Variants in GRIK2 observed in about 807,000 individuals in gnomAD.
The protein encoded by GRIK2 is glutamate receptor ionotropic, kainate 2.
GRIK2 carries 32 observed loss-of-function variants against 100.3 expected under a neutral mutation model. The ratio of observed to expected loss-of-function variants is 0.32; its 90% confidence interval spans 0.24 to 0.43. The LOEUF is 0.43. GRIK2 is among the 20% of genes least tolerant of loss of function. The probability of loss-of-function intolerance (pLI) is 1.00; values close to 1 mark genes in which losing one functional copy is unlikely to be tolerated. For synonymous variants in GRIK2, 417 were observed against 389.4 expected, an observed-to-expected ratio of 1.07 and a Z score of -0.83; for missense variants, 843 against 1,114.9, an observed-to-expected ratio of 0.76 and a Z score of 3.47.
intron 7 of GRIK2, among the ~76,000 whole-genome samples, chr6:101,700,495 C>T (rs1441870289): frequency 6.6e-6 from 1 of 152,016 alleles, no homozygotes; most frequent in African/African-American, 2.4e-5. Flanking sequence ...AAAGTAATAT[C>T]ATTTACCATG....
chr6:101,928,751 C>G, intron 14 of GRIK2, 119 bp downstream of exon 14: 1 of 641,224 alleles, frequency 1.6e-6, no homozygotes, highest in Non-Finnish European at 2.8e-6. Flanking sequence ...TTAATAATAG[C>G]ATATACCTCA....
intron 9 of GRIK2, among the ~76,000 whole-genome samples, chr6:101,815,206 A>G (rs1781561673): frequency 6.6e-6 from 1 of 152,142 alleles, no homozygotes; most frequent in African/African-American, 2.4e-5. Context: ...AAATAGGACC[A>G]CAATATTAAC....
chr6:101,560,693 C>T (rs1448546857), intron 2 of GRIK2, among the ~76,000 whole-genome samples: 5 of 149,068 alleles, frequency 3.4e-5, no homozygotes, highest in Non-Finnish European at 7.4e-5. Flanking sequence ...TTTAAGGTAA[C>T]TTGATGCCCT....
Position 101,795,530 on chromosome 6 carries a change from G to C in GRIK2, c.952-4118G>C, listed in dbSNP as rs544806490. On this transcript the variant is annotated intron_variant, in intron 7 of 16. Transcript: ENST00000369134. ...TTGGGCCTCCAGGAAGCTTGCTTCG[G>C]TTCAGTAGTGGCAGCAGTGGGCATG... 2.6e-5 allele frequency among the ~76,000 whole-genome samples: 4 copies of C among 152,316 alleles called. No homozygotes were observed. In the South Asian group the frequency reaches 8.3e-4, roughly 32 times the overall value.
chr6:101,669,991 G>A (rs915244987), intron 4 of GRIK2, among the ~76,000 whole-genome samples: 1 of 152,072 alleles, frequency 6.6e-6, no homozygotes, highest in African/African-American at 2.4e-5. Context: ...TCCTGGTGCA[G>A]GAGTTGATGG....
chr6:101,948,690 G>A (rs953037788), intron 14 of GRIK2, among the ~76,000 whole-genome samples: 2 of 151,874 alleles, frequency 1.3e-5, no homozygotes, highest in African/African-American at 4.8e-5. Context: ...GCCCAGACTA[G>A]TCCTGAACTC....
intron 10 of GRIK2, among the ~76,000 whole-genome samples, chr6:101,853,379 C>T (rs1305307316): frequency 6.6e-6 from 1 of 152,118 alleles, no homozygotes; most frequent in African/African-American, 2.4e-5. Flanking sequence ...ATTAAAACAA[C>T]AATGAGACAT....
chr6:101,399,449 A>G (rs1775156577), intron 2 of GRIK2, 57 bp downstream of exon 2: 1 of 864,974 alleles, frequency 1.2e-6, no homozygotes, highest in Non-Finnish European at 2.0e-6. Flanking sequence ...AGCCGGATGT[A>G]AACAGGCGGT....
chr6:101,898,270 A>C lies in GRIK2; in HGVS notation c.1748+8407A>C, dbSNP rs535956638. Among the ~76,000 whole-genome samples, 30 of 152,056 alleles carry C rather than the reference A, an allele frequency of 2.0e-4. 2 individuals carry two copies. The South Asian group carries it at 6.2e-3, about 31-fold the overall frequency. On this transcript the variant is annotated intron_variant, in intron 12 of 16. Transcript: ENST00000369134. ...ATGAAGAAGAATGTGACACTAAAGA[A>C]AAAATAAATTTAGAAGAAAATGGAA...
chr6:101,793,301 C>T (rs1741304236), intron 7 of GRIK2, among the ~76,000 whole-genome samples: 1 of 151,904 alleles, frequency 6.6e-6, no homozygotes, highest in South Asian at 2.1e-4. Flanking sequence ...TTAGAGTTTC[C>T]AGTTTTTCTG....
intron 15 of GRIK2, among the ~76,000 whole-genome samples, chr6:102,043,444 C>T (rs1283626165): frequency 6.6e-6 from 1 of 151,840 alleles, no homozygotes; most frequent in African/African-American, 2.4e-5. Context: ...ACCCTCCAGC[C>T]TCTGCTTTCT....
intron 4 of GRIK2, among the ~76,000 whole-genome samples, chr6:101,651,559 AG>A (rs1781793539): frequency 6.6e-6 from 1 of 152,208 alleles, no homozygotes; most frequent in South Asian, 2.1e-4. Flanking sequence ...GAGCAATGCA[AG>A]AGGAATCTGA....
chr6:102,069,698 T>A lies in GRIK2; in HGVS notation c.*1187T>A, dbSNP rs187126030. The A allele has an allele frequency of 2.4e-4, 37 of 152,182 alleles. No individual in the cohort carries two copies. The highest frequency in any genetic ancestry group is 8.2e-4 in the African/African-American group (34 of 41,562). The allele number at this position is 152,182 out of a possible 1,614,324, so 9.4% of individuals were successfully genotyped here. A position where few individuals can be genotyped will look rare whatever the true frequency, so the allele number is the denominator to read the frequency against. On this transcript the variant is annotated 3_prime_UTR_variant, in exon 17 of 17. Coordinates refer to ENST00000369134, the MANE Select transcript of GRIK2 (RefSeq NM_021956.5). The stretch of plus-strand genomic sequence containing the variant: ...GATTTCTATGAAAATAGTTTTTGTA[T>A]GGAAATTTTTGTAATACTTTTTATC...
At chr6:101,547,842 A>G (rs7452868) in intron 2 of GRIK2, among the ~76,000 whole-genome samples, 139,023 of 151,586 alleles carry the variant, frequency 0.92, 63,887 homozygotes, top group African/African-American at 0.97. Context: ...CCCAGTAATG[A>G]GATGGCTGGG....
chr6:101,836,041 T>C (rs1271767289), intron 10 of GRIK2, among the ~76,000 whole-genome samples: 1 of 150,944 alleles, frequency 6.6e-6, no homozygotes, highest in Admixed American at 6.6e-5. Flanking sequence ...CCCAAAAACA[T>C]TGAGTCTTCC....
intron 2 of GRIK2, among the ~76,000 whole-genome samples, chr6:101,439,232 C>T (rs996226932): frequency 1.3e-5 from 2 of 152,042 alleles, no homozygotes; most frequent in African/African-American, 2.4e-5. Context: ...GTAGTTTGGG[C>T]ACTAATCCCT....
At chr6:101,951,228 TA>T in intron 14 of GRIK2, among the ~76,000 whole-genome samples, 1 of 152,358 alleles carries the variant, frequency 6.6e-6, no homozygotes, top group East Asian at 1.9e-4. Context: ...GCAATCATTA[TA>T]ACCCATGAAG....
At chr6:101,477,187 A>G (rs1008261379) in intron 2 of GRIK2, among the ~76,000 whole-genome samples, 1 of 152,124 alleles carries the variant, frequency 6.6e-6, no homozygotes, top group Non-Finnish European at 1.5e-5. Context: ...TTTAAAAGAT[A>G]CCTCAAGACA....
chr6:101,395,752 G>A (rs1271247587), intron 1 of GRIK2, among the ~76,000 whole-genome samples: 1 of 152,002 alleles, frequency 6.6e-6, no homozygotes, highest in Non-Finnish European at 1.5e-5. Flanking sequence ...ATTTATCATA[G>A]GTTTGATATT....
Sources: allele counts gnomAD v4.1 joint callset (sites outside exome capture counted in the v4.1 genomes callset), GRCh38; gene constraint gnomAD v4.1.1; transcripts MANE v1.5; gene names NCBI Gene and HGNC (gene_info 2026-07-23, HGNC 2026-07-21).